Variants in GRID2 observed in about 807,000 individuals in gnomAD.
GRID2 encodes glutamate ionotropic receptor delta type subunit 2, also known as glutamate receptor ionotropic, delta-2.
GRID2 carries 33 observed loss-of-function variants against 114.8 expected under a neutral mutation model. That is an observed-to-expected ratio of 0.29 (90% CI 0.22 to 0.38). The LOEUF is 0.38. Among genes scored for constraint, GRID2 ranks in the 10% least tolerant of loss-of-function variants. GRID2 has a pLI of 1.00. For synonymous variants in GRID2, 505 were observed against 449.9 expected (o/e 1.12, Z -1.55); for missense variants, 1,184 against 1,257.7 (o/e 0.94, Z 0.89).
Position 92,330,341 on chromosome 4 carries a change from T to C in GRID2, c.88+25597T>C, listed in dbSNP as rs2110142352. ...TTAGTTTCCTTGCTTGGAAGGCTCC[T>C]TGACAGCAGTAACCAGAATCTTGCA... On this transcript the variant is annotated intron_variant, in intron 1 of 15. Coordinates refer to ENST00000282020, the MANE Select transcript of GRID2 (RefSeq NM_001510.4). Among the ~76,000 whole-genome samples, 5 of 152,296 alleles carry C rather than the reference T, an allele frequency of 3.3e-5. No individual in the cohort carries two copies. The South Asian group carries it at 1.0e-3, about 32-fold the overall frequency.
At chr4:92,317,607 A>G (rs1726063085) in intron 1 of GRID2, among the ~76,000 whole-genome samples, 1 of 152,226 alleles carries the variant, frequency 6.6e-6, no homozygotes, top group South Asian at 2.1e-4. Context: ...AGCAAGAAAA[A>G]AGGAGCAAAG....
intron 1 of GRID2, among the ~76,000 whole-genome samples, chr4:92,578,716 TTATC>T (rs1196910296): frequency 1.6e-3 from 180 of 111,178 alleles, no homozygotes; most frequent in African/African-American, 5.6e-3. Flanking sequence ...AAAAATATCA[TTATC>T]TATCTATCTA....
chr4:93,694,762 C>T (rs1365129872), intron 14 of GRID2, among the ~76,000 whole-genome samples: 3 of 152,130 alleles, frequency 2.0e-5, no homozygotes, highest in African/African-American at 7.2e-5. Flanking sequence ...ATTTGATGAA[C>T]TTGCTTTTCA....
intron 12 of GRID2, among the ~76,000 whole-genome samples, chr4:93,497,064 T>TA (rs1243667845): frequency 6.6e-6 from 1 of 151,688 alleles, no homozygotes; most frequent in Non-Finnish European, 1.5e-5. Context: ...TTTTTTTTTT[T>TA]AGCCTTGCTG....
At chr4:93,410,459 C>T (rs972108653) in intron 9 of GRID2, among the ~76,000 whole-genome samples, 9 of 152,192 alleles carry the variant, frequency 5.9e-5, no homozygotes, top group Admixed American at 5.2e-4. Flanking sequence ...TAAATGCATG[C>T]TTTCAGACCT....
chr4:93,567,429 A>T (rs534317064), intron 13 of GRID2, among the ~76,000 whole-genome samples: 1 of 152,350 alleles, frequency 6.6e-6, no homozygotes, highest in Non-Finnish European at 1.5e-5. Flanking sequence ...CAAAGGATTG[A>T]GAAAGGCGTC....
At chr4:93,733,779 A>G (rs192910184) in intron 14 of GRID2, among the ~76,000 whole-genome samples, 1 of 152,174 alleles carries the variant, frequency 6.6e-6, no homozygotes, top group East Asian at 1.9e-4. Flanking sequence ...TGCTAATGAC[A>G]CTAATATTAG....
At chr4:92,868,558 C>T (rs1165762956) in intron 2 of GRID2, among the ~76,000 whole-genome samples, 1 of 152,126 alleles carries the variant, frequency 6.6e-6, no homozygotes, top group Non-Finnish European at 1.5e-5. Context: ...ATTCTTTCTC[C>T]TTTAAAACAA....
intron 3 of GRID2, among the ~76,000 whole-genome samples, chr4:93,101,091 A>G (rs1731660421): frequency 6.6e-6 from 1 of 152,034 alleles, no homozygotes; most frequent in Non-Finnish European, 1.5e-5. Context: ...TGCTTGGCAC[A>G]TGGTAAGCAA....
chr4:92,440,656 T>C (rs1292886637), intron 1 of GRID2, among the ~76,000 whole-genome samples: 1 of 152,012 alleles, frequency 6.6e-6, no homozygotes, highest in Non-Finnish European at 1.5e-5. Flanking sequence ...GCTAGTGGCT[T>C]GTACTATAGC....
At chr4:93,144,990 G>T (rs559771480) in intron 4 of GRID2, among the ~76,000 whole-genome samples, 3 of 152,242 alleles carry the variant, frequency 2.0e-5, no homozygotes, top group South Asian at 4.1e-4. Context: ...TTACCGACCT[G>T]ATTTCTGTTC....
chr4:93,472,496 A>G (rs1436518312), intron 11 of GRID2, among the ~76,000 whole-genome samples: 2 of 152,190 alleles, frequency 1.3e-5, no homozygotes, highest in African/African-American at 4.8e-5. Flanking sequence ...TCACATAGCT[A>G]AATGATCAAT....
At chr4:93,013,573 A>C (rs957333140) in intron 2 of GRID2, among the ~76,000 whole-genome samples, 2 of 151,992 alleles carry the variant, frequency 1.3e-5, no homozygotes, top group African/African-American at 4.8e-5. Flanking sequence ...ATTAAATACT[A>C]TTCCTGTATT....
At chr4:92,718,761 C>CAAAA (rs3077559) in intron 2 of GRID2, among the ~76,000 whole-genome samples, 28 of 41,688 alleles carry the variant, frequency 6.7e-4, no homozygotes, top group Admixed American at 1.2e-3. Flanking sequence ...AGACCCTGTC[C>CAAAA]AAAAAAAAAA....
intron 1 of GRID2, among the ~76,000 whole-genome samples, chr4:92,359,798 T>G (rs963636638): frequency 9.9e-5 from 15 of 151,952 alleles, no homozygotes; most frequent in Non-Finnish European, 2.1e-4. Flanking sequence ...TGAAAGGCTT[T>G]AAAAGCTTGC....
chr4:92,391,966 G>A (rs28490501), intron 1 of GRID2, among the ~76,000 whole-genome samples: 4,712 of 152,198 alleles, frequency 0.031, 244 homozygotes, highest in African/African-American at 0.11. Flanking sequence ...CCCTTAGGAC[G>A]TGACAGATCT....
chr4:93,096,700 C>G (rs926166186), intron 3 of GRID2, among the ~76,000 whole-genome samples: 2 of 152,028 alleles, frequency 1.3e-5, no homozygotes, highest in Admixed American at 6.6e-5. Flanking sequence ...AATCCAATTG[C>G]ACCTCTGATA....
chr4:93,661,509 C>T (rs979970232), intron 14 of GRID2, among the ~76,000 whole-genome samples: 18 of 152,242 alleles, frequency 1.2e-4, no homozygotes, highest in African/African-American at 3.9e-4. Flanking sequence ...TAAGCTCATT[C>T]GCACTTGAAT....
At chr4:92,612,075 T>G (rs1479433448) in intron 2 of GRID2, among the ~76,000 whole-genome samples, 1 of 151,544 alleles carries the variant, frequency 6.6e-6, no homozygotes, top group African/African-American at 2.4e-5. Context: ...TTAAGATTTT[T>G]TTTCATGTCT....
Sources: gnomAD v4.1 joint callset for allele counts (sites outside exome capture counted in the v4.1 genomes callset) on GRCh38, gnomAD v4.1.1 for gene constraint, MANE v1.5 for transcripts, NCBI Gene and HGNC (gene_info 2026-07-23, HGNC 2026-07-21) for gene names.